CEP76: variants seen among roughly 807,000 people sequenced by gnomAD.
The protein encoded by CEP76 is centrosomal protein of 76 kDa.
In CEP76, 55 loss-of-function variants were observed where a neutral mutation model predicts 83.3. The ratio of observed to expected loss-of-function variants is 0.66; its 90% CI spans 0.53 to 0.83. The LOEUF is 0.83. Ranked by LOEUF, CEP76 falls within the 40% of genes least tolerant of loss-of-function variation. The pLI, the probability that CEP76 is intolerant of heterozygous loss-of-function variation, is 0.00. For missense variants in CEP76, 694 were observed against 799.5 expected, an observed-to-expected ratio of 0.87 and a Z score of 1.59; for synonymous variants, 270 against 274.5, an observed-to-expected ratio of 0.98 and a Z score of 0.16.
intron 6 of CEP76, among the ~76,000 whole-genome samples, chr18:12,693,415 G>A (rs2039837017): frequency 6.6e-6 from 1 of 151,522 alleles, no homozygotes; most frequent in South Asian, 2.1e-4. Flanking sequence ...GTGAGATGCT[G>A]TCTCTAAAAA....
At chr18:12,667,290 AC>A (rs1231490595) in intron 12 of CEP76, among the ~76,000 whole-genome samples, 2 of 152,084 alleles carry the variant, frequency 1.3e-5, no homozygotes, top group Non-Finnish European at 2.9e-5. Flanking sequence ...CCTTGTCTCT[AC>A]AAAAAAATTT....
At chr18:12,690,737 G>GCTGGGATTAC (rs1568025338) in intron 7 of CEP76, among the ~76,000 whole-genome samples, 2 of 152,170 alleles carry the variant, frequency 1.3e-5, no homozygotes, top group African/African-American at 4.8e-5. Context: ...TTACAGGCGT[G>GCTGGGATTAC]AGCCACCGCG....
rs528331474 is a variant in CEP76 at position 12,695,302 on chromosome 18, C to T, written c.756G>A (p.Met252Ile). 5.1e-6 allele frequency: 8 copies of T among 1,573,074 alleles called. No individual in the cohort carries two copies. Among genetic ancestry groups the T allele is most frequent in the Admixed American group, 1.7e-5 (1 of 58,410 alleles). The change falls in exon 6 of 12, where the codon ATG becomes ATA. Residue 252 changes from methionine (M) to isoleucine (I), a missense_variant. Transcript: ENST00000262127. The part of the protein sequence containing the change: ...SVGILNIKLE[M>I]YPPLNQTLSQ... ...ATAACGTTTGATTGAGTGGTGGATA[C>T]ATTTCAAGTTTTATATTTAAAATTC...
intron 8 of CEP76, chr18:12,685,937 G>T (rs2039524565): frequency 1.8e-5 from 3 of 169,764 alleles, no homozygotes; most frequent in South Asian, 2.9e-4. Flanking sequence ...AGCCAAAATG[G>T]TATAGTATTT....
At chr18:12,681,037 A>G (rs2039329073) in intron 8 of CEP76, among the ~76,000 whole-genome samples, 1 of 152,050 alleles carries the variant, frequency 6.6e-6, no homozygotes, top group Non-Finnish European at 1.5e-5. Context: ...TGTCTCTACT[A>G]AAAATACAAA....
chr18:12,695,852 CCACACACACA>C (rs375916938), intron 5 of CEP76, among the ~76,000 whole-genome samples: 23 of 148,282 alleles, frequency 1.6e-4, no homozygotes, highest in African/African-American at 1.2e-4. Flanking sequence ...CATTCCTTCT[CCACACACACA>C]CACACACACA....
In CEP76 at chr18:12,702,697, C is replaced by A; in HGVS notation, c.-149G>T. ...GCAGCTCCCGGGGGACGCAACGCCG[C>A]GTCAGGCCGGGGGCTGACCTGGAAA... On this transcript the variant is annotated 5_prime_UTR_variant, in exon 1 of 12. Coordinates refer to ENST00000262127, the MANE Select transcript of CEP76 (RefSeq NM_024899.4). The A allele has an allele frequency of 1.2e-6, 1 of 862,336 alleles. No homozygotes were observed. Among genetic ancestry groups the A allele is most frequent in the Non-Finnish European group, 1.7e-6 (1 of 587,290 alleles). The allele number at this position is 862,336 out of a possible 1,614,324, so 53.4% of individuals were successfully genotyped here. A position where few individuals can be genotyped will look rare whatever the true frequency, so the allele number is the denominator to read the frequency against.
chr18:12,685,978 AC>A, intron 8 of CEP76: 1 of 247,792 alleles, frequency 4.0e-6, no homozygotes, highest in Non-Finnish European at 7.8e-6. Context: ...CCTCCTATAT[AC>A]TTTAAATCAC....
exon 13 of CEP76, chr18:12,662,131 A>T: frequency 2.2e-6 from 1 of 450,152 alleles, no homozygotes; most frequent in Non-Finnish European, 4.4e-6. Context: ...AGCTTTTCCC[A>T]GACACTTCTG....
chr18:12,665,750 T>C (rs188468813), intron 12 of CEP76, among the ~76,000 whole-genome samples: 17 of 152,260 alleles, frequency 1.1e-4, no homozygotes, highest in African/African-American at 4.1e-4. Flanking sequence ...CAGACTGGAG[T>C]GCATTGGCAC....
Position 12,677,458 on chromosome 18 carries a change from CAAAAAAAAAAAA to C in CEP76, c.1623+639_1623+650del, listed in dbSNP as rs71174127. Among the ~76,000 whole-genome samples, 134 of 53,948 alleles carry C rather than the reference CAAAAAAAAAAAA, an allele frequency of 2.5e-3. 1 individual carries two copies. Among genetic ancestry groups the C allele is most frequent in the Admixed American group, 8.8e-3 (27 of 3,074 alleles). The allele number at this position is 53,948 out of a possible 152,430, so 35.4% of individuals were successfully genotyped here. On this transcript the variant is annotated intron_variant, in intron 10 of 11. Coordinates refer to ENST00000262127, the MANE Select transcript of CEP76 (RefSeq NM_024899.4). ...GGTGACAGAGCGAGAGATTCCATCT[CAAAAAAAAAAAA>C]AAAAAAAAAAAAAAGAGGTTTGATC...
intron 11 of CEP76, 104 bp from the exon 12 acceptor site, chr18:12,673,607 T>TG: frequency 1.1e-6 from 1 of 871,386 alleles, no homozygotes; most frequent in Admixed American, 3.5e-5. Context: ...AGGCTAGGCG[T>TG]GGTGGCTCAT....
At chr18:12,675,857 C>T (rs1203138796) in intron 10 of CEP76, among the ~76,000 whole-genome samples, 8 of 151,750 alleles carry the variant, frequency 5.3e-5, no homozygotes, top group South Asian at 2.1e-4. Flanking sequence ...TTAGTAGAGA[C>T]GGGCTTTCAC....
chr18:12,690,462 G>T lies in CEP76; in HGVS notation c.933+897C>A, dbSNP rs868586117. Among the ~76,000 whole-genome samples the T allele has an allele frequency of 1.6e-3, 229 of 146,790 alleles. 1 individual carries two copies. The highest frequency in any genetic ancestry group is 5.3e-3 in the African/African-American group (213 of 40,220). On this transcript the variant is annotated intron_variant, in intron 7 of 11. Coordinates refer to ENST00000262127, the MANE Select transcript of CEP76 (RefSeq NM_024899.4). ...CGTGAACCTGACCACATTTTTTGTT[G>T]TTTTTTTTTTTGAGACGGAGTCTTG...
At chr18:12,663,125 G>GTCAAC (rs2038732061) in intron 12 of CEP76, among the ~76,000 whole-genome samples, 1 of 152,108 alleles carries the variant, frequency 6.6e-6, no homozygotes, top group South Asian at 2.1e-4. Context: ...ACTGCTAGTT[G>GTCAAC]GCCTGAGATA....
chr18:12,673,432 A>G lies in CEP76; in HGVS notation c.1913T>C (p.Phe638Ser). ...AGCACATGCAGATTCAGGGTAAGTA[A>G]ATACTCGGACACGAACTGCCAGTCG... is the stretch of plus-strand genomic sequence containing the variant. Reference protein sequence around the residue: ...QVRLAVRVRVFTYPESACAVW... With the variant: ...QVRLAVRVRVSTYPESACAVW... Residue 638 changes from phenylalanine to serine, a missense_variant, in exon 12 of 12, where the codon TTT (phenylalanine) becomes TCT (serine). Coordinates refer to ENST00000262127, the MANE Select transcript of CEP76 (RefSeq NM_024899.4). 6.2e-7 allele frequency: 1 copy of G among 1,602,932 alleles called. No homozygotes were observed. Among genetic ancestry groups the G allele is most frequent in the Non-Finnish European group, 8.5e-7 (1 of 1,176,840 alleles).
chr18:12,692,969 T>C (rs2039822117), intron 6 of CEP76, among the ~76,000 whole-genome samples: 1 of 152,180 alleles, frequency 6.6e-6, no homozygotes, highest in South Asian at 2.1e-4. Flanking sequence ...ACTACAGGAA[T>C]GCACCACCAT....
Position 12,683,186 on chromosome 18 carries a change from C to CAAAAAAAA in CEP76, c.1123-2366_1123-2359dup, listed in dbSNP as rs765652085. On this transcript the variant is annotated intron_variant, in intron 8 of 11. Transcript: ENST00000262127. ...GAAACCCCATCTCTACTAAAAATAC[C>CAAAAAAAA]AAAAAAAAAAAAAAAAAAGCCAGGC... Among the ~76,000 whole-genome samples, 11 of 63,658 alleles carry CAAAAAAAA rather than the reference C, an allele frequency of 1.7e-4. 1 individual carries two copies. The highest frequency in any genetic ancestry group is 2.5e-4 in the Non-Finnish European group (8 of 32,438). 41.8% of individuals were successfully genotyped at this position (63,658 alleles called of 152,430 possible). A position where few individuals can be genotyped will look rare whatever the true frequency, so the allele number is the denominator to read the frequency against.
intron 3 of CEP76, 110 bp downstream of exon 3, chr18:12,699,720 A>G (rs2040085906): frequency 1.6e-6 from 1 of 637,698 alleles, no homozygotes. Context: ...AATTTTAAGT[A>G]TTTTATTTTG....
Sources: allele counts gnomAD v4.1 joint callset (sites outside exome capture counted in the v4.1 genomes callset), GRCh38; gene constraint gnomAD v4.1.1; transcripts MANE v1.5; gene names NCBI Gene and HGNC (gene_info 2026-07-23, HGNC 2026-07-21).